KIAA0930: variants seen among roughly 807,000 people sequenced by gnomAD.
KIAA0930 encodes the protein uncharacterized protein KIAA0930.
Under a neutral mutation model 43.9 loss-of-function variants are expected in KIAA0930, and 24 were observed. That is an observed-to-expected ratio of 0.55 (90% confidence interval 0.40 to 0.77). The LOEUF (loss-of-function observed/expected upper bound fraction) is 0.77, where lower values mean the gene tolerates loss of function less well. Ranked by LOEUF, KIAA0930 falls within the 30% of genes least tolerant of loss-of-function variation. KIAA0930 has a pLI of 0.00. For synonymous variants in KIAA0930, 259 were observed against 216.4 expected, an observed-to-expected ratio of 1.20 and a Z score of -1.73; for missense variants, 461 against 574.2, an observed-to-expected ratio of 0.80 and a Z score of 2.02.
At chr22:45,201,233 T>C (rs1021360013) in intron 7 of KIAA0930, among the ~76,000 whole-genome samples, 1 of 152,186 alleles carries the variant, frequency 6.6e-6, no homozygotes. Context: ...ACGCACTGGC[T>C]CCAGACGACC....
chr22:45,213,485 C>G (rs1376088925), intron 1 of KIAA0930: 3 of 1,199,284 alleles, frequency 2.5e-6, no homozygotes, highest in Non-Finnish European at 3.2e-6. Flanking sequence ...GCTCACAGGA[C>G]CCGGGGGAAC....
chr22:45,193,277 C>T lies in KIAA0930; in HGVS notation c.*3899G>A, dbSNP rs1408546441. The T allele has an allele frequency of 6.6e-6, 1 of 150,668 alleles. No homozygotes were observed. Among genetic ancestry groups the T allele is most frequent in the African/African-American group, 2.5e-5 (1 of 39,944 alleles). 9.3% of individuals were successfully genotyped at this position (150,668 alleles called of 1,614,324 possible). The stretch of plus-strand genomic sequence containing the variant: ...AAATTGAGGAAAACGTCAGTGAAAC[C>T]TGTTAAGTTCGCTAAAAAGTTGGCA... On this transcript the variant is annotated 3_prime_UTR_variant, in exon 10 of 10. Transcript: ENST00000336156.
intron 1 of KIAA0930, chr22:45,236,360 G>A (rs2083888444): frequency 6.6e-6 from 1 of 152,350 alleles, no homozygotes; most frequent in Non-Finnish European, 1.5e-5. Flanking sequence ...CAAGTTCTGA[G>A]CCAGGGATTA....
intron 1 of KIAA0930, among the ~76,000 whole-genome samples, chr22:45,231,632 G>A (rs997573468): frequency 3.9e-5 from 6 of 152,088 alleles, no homozygotes; most frequent in Non-Finnish European, 8.8e-5. Context: ...CTCCACAAAT[G>A]ACACAATGGT....
chr22:45,204,391 A>T lies in KIAA0930; in HGVS notation c.517-406T>A, dbSNP rs567637580. Among the ~76,000 whole-genome samples, 8 of 152,238 alleles carry T rather than the reference A, an allele frequency of 5.3e-5. No homozygotes were observed. In the South Asian group the frequency reaches 1.0e-3, roughly 20 times the overall value. Reference sequence around the variant, plus strand: ...GTGACTGCCCACCTGGGGTGACAACACCAGACTAAGGTGCCACAGGCCCCA... The same window carrying T: ...GTGACTGCCCACCTGGGGTGACAACTCCAGACTAAGGTGCCACAGGCCCCA... On this transcript the variant is annotated intron_variant, in intron 5 of 9. Transcript: ENST00000336156.
At chr22:45,202,858 G>A (rs1042233847) in intron 7 of KIAA0930, 132 bp downstream of exon 7, 9 of 746,968 alleles carry the variant, frequency 1.2e-5, no homozygotes, top group South Asian at 2.0e-5. Context: ...CCGCACGCTC[G>A]GCACCTCGGC....
At chr22:45,222,791 C>T (rs943228791) in intron 1 of KIAA0930, among the ~76,000 whole-genome samples, 8 of 151,282 alleles carry the variant, frequency 5.3e-5, no homozygotes, top group Non-Finnish European at 7.4e-5. Flanking sequence ...TAAAATGGCA[C>T]GGAAAGCAGA....
intron 7 of KIAA0930, chr22:45,200,898 G>A (rs1191329434): frequency 1.1e-5 from 5 of 473,778 alleles, no homozygotes; most frequent in Non-Finnish European, 2.2e-5. Context: ...ATCAGGGAAG[G>A]CTTCCTGGAG....
chr22:45,238,322 T>C (rs1456492473), intron 1 of KIAA0930, among the ~76,000 whole-genome samples: 1 of 152,218 alleles, frequency 6.6e-6, no homozygotes, highest in African/African-American at 2.4e-5. Context: ...ACTTGTTCAC[T>C]AAATGTTTAC....
At chr22:45,205,180 G>A in intron 5 of KIAA0930, 37 bp downstream of exon 5, 1 of 1,523,496 alleles carries the variant, frequency 6.6e-7, no homozygotes, top group Non-Finnish European at 9.1e-7. Flanking sequence ...CTCACGAGAA[G>A]GGGAAGCTAA....
At chr22:45,200,939 C>T (rs531939343) in intron 7 of KIAA0930, 22 of 491,374 alleles carry the variant, frequency 4.5e-5, no homozygotes, top group East Asian at 3.0e-4. Flanking sequence ...TCTTGAAGGA[C>T]GAGTAGGAGT....
chr22:45,214,466 C>T (rs1211165654), intron 1 of KIAA0930, among the ~76,000 whole-genome samples: 4 of 152,142 alleles, frequency 2.6e-5, no homozygotes, highest in African/African-American at 7.2e-5. Context: ...AGAAGTCAGG[C>T]GCAAAAAGCT....
At position 45,197,858 on chromosome 22, in the gene KIAA0930, G is replaced by C; in HGVS notation, c.1106C>G (p.Ala369Gly). The C allele has an allele frequency of 6.2e-7, 1 of 1,614,170 alleles. No individual in the cohort carries two copies. Among genetic ancestry groups the C allele is most frequent in the Non-Finnish European group, 8.5e-7 (1 of 1,179,970 alleles). Reference sequence around the variant, plus strand: ...TGCATAGAGAAGGAAGTTTCCATCTGCTCTGTTCAGCTTCAGCCAGGACCC... The same window carrying C: ...TGCATAGAGAAGGAAGTTTCCATCTCCTCTGTTCAGCTTCAGCCAGGACCC... ...LVGSWLKLNRADGNFLLYAHL... is the reference protein window; with the variant it reads ...LVGSWLKLNRGDGNFLLYAHL... Residue 369 changes from alanine (A) to glycine (G), a missense_variant, in exon 9 of 10, where the codon GCA (alanine) becomes GGA (glycine). Ala to Gly is a moderately conservative substitution (Grantham distance 60, BLOSUM62 0). Coordinates refer to ENST00000336156, the MANE Select transcript of KIAA0930 (RefSeq NM_001009880.2).
chr22:45,213,341 G>A (rs181115490), intron 1 of KIAA0930: 1 of 1,303,674 alleles, frequency 7.7e-7, no homozygotes, highest in East Asian at 5.5e-5. Flanking sequence ...GCCCTGCCTG[G>A]CTCCTGGGCT....
intron 1 of KIAA0930, chr22:45,213,525 T>A: frequency 1.7e-6 from 2 of 1,163,756 alleles, no homozygotes; most frequent in Non-Finnish European, 2.2e-6. Flanking sequence ...CAGAGTCGCT[T>A]TGAAATTCCT....
At chr22:45,204,378 C>T (rs1428003743) in intron 5 of KIAA0930, among the ~76,000 whole-genome samples, 2 of 152,198 alleles carry the variant, frequency 1.3e-5, no homozygotes, top group African/African-American at 4.8e-5. Flanking sequence ...GACTGCCCAC[C>T]TGGGGTGACA....
intron 1 of KIAA0930, among the ~76,000 whole-genome samples, chr22:45,223,162 TTAAA>T (rs1439150207): frequency 6.6e-6 from 1 of 152,180 alleles, no homozygotes; most frequent in African/African-American, 2.4e-5. Flanking sequence ...GGGATAGTAA[TTAAA>T]TAAACTAACT....
chr22:45,230,203 C>T (rs1400740038), intron 1 of KIAA0930, among the ~76,000 whole-genome samples: 1 of 152,138 alleles, frequency 6.6e-6, no homozygotes, highest in Non-Finnish European at 1.5e-5. Flanking sequence ...TCTTGGCCTG[C>T]GGCTGAGGAG....
intron 1 of KIAA0930, chr22:45,212,468 A>T: frequency 6.9e-7 from 1 of 1,447,578 alleles, no homozygotes; most frequent in South Asian, 1.4e-5. Context: ...GGAAGCCGGG[A>T]AGGCTTGGCT....
Sources: allele counts gnomAD v4.1 joint callset (sites outside exome capture counted in the v4.1 genomes callset), GRCh38; gene constraint gnomAD v4.1.1; transcripts MANE v1.5; gene names NCBI Gene and HGNC (gene_info 2026-07-23, HGNC 2026-07-21).